Variants in ANKFN1 observed in about 807,000 individuals in gnomAD.
ANKFN1 encodes the protein ankyrin repeat and fibronectin type III domain containing 1.
A neutral mutation model predicts 108.7 loss-of-function variants in ANKFN1; 74 were observed. That is an observed-to-expected ratio of 0.68 (90% CI 0.56 to 0.83). The LOEUF (loss-of-function observed/expected upper bound fraction) is 0.83, where lower values mean the gene tolerates loss of function less well. Among genes scored for constraint, ANKFN1 ranks in the 40% least tolerant of loss-of-function variants. The pLI is 0.00. For synonymous variants in ANKFN1, 547 were observed against 516.2 expected, an observed-to-expected ratio of 1.06 and a Z score of -0.81; for missense variants, 1,505 against 1,382.3, an observed-to-expected ratio of 1.09 and a Z score of -1.41.
rs1192610967 is a variant in ANKFN1, at chr17:56,307,285, C to T, written c.54-18936C>T. Among the ~76,000 whole-genome samples the T allele has an allele frequency of 3.9e-5, 6 of 152,252 alleles. No individual in the cohort carries two copies. In the East Asian group the frequency reaches 9.7e-4, roughly 25 times the overall value. On this transcript the variant is annotated intron_variant, in intron 3 of 20. Transcript: ENST00000682825. ...CAAAAGAAACTACCATCAGAGTGAACAGGCAACCTACAGAATGGGAGAAAA... is the reference window on the plus strand; with the variant it reads ...CAAAAGAAACTACCATCAGAGTGAATAGGCAACCTACAGAATGGGAGAAAA...
At chr17:56,388,477 AG>A (rs1474540873) in intron 8 of ANKFN1, among the ~76,000 whole-genome samples, 4 of 152,188 alleles carry the variant, frequency 2.6e-5, no homozygotes, top group African/African-American at 9.7e-5. Flanking sequence ...TAGCTACAAA[AG>A]AAAAGCATTT....
intron 3 of ANKFN1, among the ~76,000 whole-genome samples, chr17:56,272,212 T>C (rs1480751187): frequency 1.3e-5 from 2 of 152,202 alleles, no homozygotes; most frequent in Non-Finnish European, 2.9e-5. Flanking sequence ...ATTAAGTACA[T>C]TGATATGATT....
rs530144104 is a variant in ANKFN1, at chr17:56,167,677, A to G, written c.-71+14147A>G. On this transcript the variant is annotated intron_variant, in intron 1 of 20. Coordinates refer to ENST00000682825, the MANE Select transcript of ANKFN1 (RefSeq NM_001370326.1). ...ATGACAAAAGTTTCCCACTCGTACT[A>G]CATATCCATTGCAGGCAAGCAGGAA... 5.3e-5 allele frequency among the ~76,000 whole-genome samples: 8 copies of G among 152,270 alleles called. No homozygotes were observed. The South Asian group carries it at 1.7e-3, about 32-fold the overall frequency.
chr17:56,063,692 C>T (rs959525204), intron 4 of ANKFN1, among the ~76,000 whole-genome samples: 1 of 151,958 alleles, frequency 6.6e-6, no homozygotes, highest in Non-Finnish European at 1.5e-5. Context: ...TGGGTTAGAA[C>T]ATGCTCCTTT....
chr17:56,237,807 T>A (rs893371882), intron 3 of ANKFN1, among the ~76,000 whole-genome samples: 1 of 152,100 alleles, frequency 6.6e-6, no homozygotes, highest in Non-Finnish European at 1.5e-5. Context: ...TTATTTCTTG[T>A]CTTCTGCTAG....
At chr17:56,457,676 G>T (rs757065900) in intron 13 of ANKFN1, among the ~76,000 whole-genome samples, 187 bp from the exon 14 acceptor site, 1 of 152,156 alleles carries the variant, frequency 6.6e-6, no homozygotes, top group African/African-American at 2.4e-5. Context: ...GGATCTGACC[G>T]TTTCATTAAC....
intron 6 of ANKFN1, among the ~76,000 whole-genome samples, chr17:56,354,776 G>A (rs1433370187): frequency 6.6e-6 from 1 of 151,998 alleles, no homozygotes; most frequent in African/African-American, 2.4e-5. Context: ...GTGAGATCAC[G>A]CCATGTTTAT....
intron 8 of ANKFN1, among the ~76,000 whole-genome samples, chr17:56,437,827 G>A (rs974896341): frequency 2.0e-5 from 3 of 152,094 alleles, no homozygotes; most frequent in Non-Finnish European, 2.9e-5. Context: ...GGTATAGACC[G>A]ATTTGAGTTA....
At chr17:56,200,473 G>A (rs374622495) in intron 1 of ANKFN1, among the ~76,000 whole-genome samples, 134 of 152,252 alleles carry the variant, frequency 8.8e-4, no homozygotes, top group African/African-American at 2.7e-3. Flanking sequence ...TTGTTTTAGC[G>A]GTGAGGTCCT....
upstream of ANKFN1, among the ~76,000 whole-genome samples, chr17:56,150,040 T>C (rs1908504396): frequency 6.6e-6 from 1 of 152,204 alleles, no homozygotes; most frequent in South Asian, 2.1e-4. Flanking sequence ...CATGTTGACA[T>C]TTTTTATGAC....
At chr17:56,449,981 G>T (rs981456633) in intron 11 of ANKFN1, among the ~76,000 whole-genome samples, 1 of 152,082 alleles carries the variant, frequency 6.6e-6, no homozygotes, top group African/African-American at 2.4e-5. Flanking sequence ...ATTGGGACAG[G>T]GTCAGATTTC....
chr17:56,510,584 TATC>T lies in ANKFN1; in HGVS notation c.2760_2762del (p.Ser921del). ...CCCAGAGACCTGGACCTGGTCTACC[TATC>T]ATCTCACGACATTGCGCAGCAGACC... On this transcript the variant is annotated inframe_deletion, in exon 21 of 21. Coordinates refer to ENST00000682825, the MANE Select transcript of ANKFN1 (RefSeq NM_001370326.1). The T allele has an allele frequency of 6.5e-7, 1 of 1,536,156 alleles. No homozygotes were observed. The highest frequency in any genetic ancestry group is 8.7e-7 in the Non-Finnish European group (1 of 1,146,878).
At chr17:56,464,706 G>C (rs2050020389) in intron 14 of ANKFN1, among the ~76,000 whole-genome samples, 1 of 152,076 alleles carries the variant, frequency 6.6e-6, no homozygotes, top group Non-Finnish European at 1.5e-5. Flanking sequence ...CGAGCTTGAG[G>C]GTTTACAAAA....
intron 4 of ANKFN1, among the ~76,000 whole-genome samples, chr17:56,350,000 T>A (rs1352635186): frequency 6.6e-6 from 1 of 152,158 alleles, no homozygotes; most frequent in Admixed American, 6.6e-5. Flanking sequence ...CCCACAGTTA[T>A]TGTGGATGGC....
At chr17:56,238,423 G>A (rs1189156456) in intron 3 of ANKFN1, among the ~76,000 whole-genome samples, 2 of 152,074 alleles carry the variant, frequency 1.3e-5, no homozygotes, top group African/African-American at 2.4e-5. Context: ...TCTCTTTGTA[G>A]ACTAAGTCTC....
intron 4 of ANKFN1, among the ~76,000 whole-genome samples, chr17:56,342,124 T>C (rs1484941394): frequency 2.0e-5 from 3 of 152,112 alleles, no homozygotes; most frequent in Non-Finnish European, 4.4e-5. Flanking sequence ...TGATAGTTGT[T>C]TGTATTTCTG....
chr17:56,297,512 T>C (rs1159863325), intron 3 of ANKFN1, among the ~76,000 whole-genome samples: 1 of 152,194 alleles, frequency 6.6e-6, no homozygotes, highest in Non-Finnish European at 1.5e-5. Context: ...TGGTTGAACT[T>C]CAAAACAACA....
intron 4 of ANKFN1, among the ~76,000 whole-genome samples, chr17:56,144,403 C>A (rs2143409381): frequency 6.6e-6 from 1 of 152,272 alleles, no homozygotes; most frequent in African/African-American, 2.4e-5. Flanking sequence ...AAAGTCCATG[C>A]ACCAGTCTAC....
intron 1 of ANKFN1, among the ~76,000 whole-genome samples, chr17:56,194,860 T>C (rs557412671): frequency 6.6e-6 from 1 of 152,316 alleles, no homozygotes; most frequent in Admixed American, 6.5e-5. Flanking sequence ...CATCTATCAA[T>C]TTTGCTGTGA....
Sources: allele counts gnomAD v4.1 joint callset (sites outside exome capture counted in the v4.1 genomes callset), GRCh38; gene constraint gnomAD v4.1.1; transcripts MANE v1.5; gene names NCBI Gene and HGNC (gene_info 2026-07-23, HGNC 2026-07-21).